SPAG16: variants seen among roughly 807,000 people sequenced by gnomAD.
SPAG16 encodes sperm-associated antigen 16 protein.
A neutral mutation model predicts 80.4 loss-of-function variants in SPAG16; 86 were observed. That is an observed-to-expected ratio of 1.07 (90% confidence interval 0.90 to 1.28). SPAG16 has a LOEUF of 1.28. SPAG16 is among the 50% of genes most tolerant of loss of function. The pLI is 0.00. For missense variants in SPAG16, 870 were observed against 765.3 expected, an observed-to-expected ratio of 1.14 and a Z score of -1.61; for synonymous variants, 294 against 265.9, an observed-to-expected ratio of 1.11 and a Z score of -1.03.
chr2:214,303,385 T>G (rs765336028), intron 15 of SPAG16, among the ~76,000 whole-genome samples: 1 of 152,198 alleles, frequency 6.6e-6, no homozygotes, highest in Non-Finnish European at 1.5e-5. Flanking sequence ...TTTATGAAAT[T>G]ACTTGTGTCA....
chr2:213,468,808 A>G (rs978653407), intron 9 of SPAG16, among the ~76,000 whole-genome samples: 4 of 151,634 alleles, frequency 2.6e-5, no homozygotes, highest in Non-Finnish European at 4.4e-5. Context: ...AGGTCTCACA[A>G]CAGGCCATCT....
chr2:214,047,823 G>A (rs1022717340), intron 13 of SPAG16, among the ~76,000 whole-genome samples: 6 of 151,958 alleles, frequency 3.9e-5, no homozygotes, highest in Admixed American at 3.9e-4. Context: ...AATATATAAG[G>A]AGCTCAAACA....
chr2:213,718,306 A>G (rs1256383528), intron 10 of SPAG16, among the ~76,000 whole-genome samples: 1 of 152,026 alleles, frequency 6.6e-6, no homozygotes, highest in Admixed American at 6.5e-5. Flanking sequence ...ACAATGAGAT[A>G]CTGAGAGGTG....
chr2:214,304,182 C>T (rs1175917559), intron 15 of SPAG16, among the ~76,000 whole-genome samples: 2 of 152,182 alleles, frequency 1.3e-5, no homozygotes, highest in African/African-American at 4.8e-5. Context: ...CTGTAAAGGA[C>T]ATAATCTTGT....
chr2:213,338,489 C>T (rs970899480), intron 5 of SPAG16, among the ~76,000 whole-genome samples: 2 of 152,176 alleles, frequency 1.3e-5, no homozygotes, highest in African/African-American at 4.8e-5. Context: ...CAAAGACACA[C>T]ATAGACTTAA....
intron 10 of SPAG16, among the ~76,000 whole-genome samples, chr2:213,649,755 A>AT (rs1297860513): frequency 2.0e-5 from 3 of 151,986 alleles, no homozygotes; most frequent in Admixed American, 6.6e-5. Context: ...AAAATAAAAT[A>AT]TTTTTTGTAA....
chr2:213,596,749 A>G (rs1019290180), intron 10 of SPAG16, among the ~76,000 whole-genome samples: 2 of 152,136 alleles, frequency 1.3e-5, no homozygotes, highest in African/African-American at 4.8e-5. Context: ...ATCAGTATAC[A>G]CCAATTGTAG....
intron 10 of SPAG16, among the ~76,000 whole-genome samples, chr2:213,490,944 T>C (rs555090512): frequency 3.3e-5 from 5 of 152,330 alleles, no homozygotes; most frequent in Admixed American, 6.5e-5. Context: ...ATATTTTACC[T>C]ATAGTGAGTA....
chr2:213,864,237 A>G (rs2075597783), intron 11 of SPAG16, among the ~76,000 whole-genome samples: 1 of 152,138 alleles, frequency 6.6e-6, no homozygotes, highest in African/African-American at 2.4e-5. Flanking sequence ...GTACCTACAG[A>G]TAGTGTTGAT....
intron 10 of SPAG16, among the ~76,000 whole-genome samples, chr2:213,597,768 C>T (rs556347765): frequency 6.6e-6 from 1 of 151,986 alleles, no homozygotes; most frequent in South Asian, 2.1e-4. Flanking sequence ...AATCTTTTGC[C>T]CCCCCAAAAA....
At chr2:213,735,840 T>G (rs1380770831) in intron 10 of SPAG16, among the ~76,000 whole-genome samples, 2 of 152,200 alleles carry the variant, frequency 1.3e-5, no homozygotes, top group Admixed American at 1.3e-4. Context: ...GAAAGATATA[T>G]TATGTCTAGA....
rs547158201 is a variant in SPAG16 at position 214,297,472 on chromosome 2, A to T, written c.1721-112668A>T. Reference sequence around the variant, plus strand: ...TTCAGGTCTTACATTTAAGTCTTTAATCTACCTCGAGTTAATTCTTGCATG... The same window carrying T: ...TTCAGGTCTTACATTTAAGTCTTTATTCTACCTCGAGTTAATTCTTGCATG... On this transcript the variant is annotated intron_variant, in intron 15 of 15. Transcript: ENST00000331683. 2.6e-5 allele frequency among the ~76,000 whole-genome samples: 4 copies of T among 152,170 alleles called. No individual in the cohort carries two copies. The East Asian group carries it at 7.7e-4, about 29-fold the overall frequency.
chr2:213,510,415 G>A (rs1466534405), intron 10 of SPAG16, among the ~76,000 whole-genome samples: 1 of 151,918 alleles, frequency 6.6e-6, no homozygotes, highest in Non-Finnish European at 1.5e-5. Context: ...TTTTTTTACA[G>A]ATGATAGTCA....
At chr2:214,265,568 T>C (rs899461958) in intron 15 of SPAG16, among the ~76,000 whole-genome samples, 1 of 152,076 alleles carries the variant, frequency 6.6e-6, no homozygotes, top group Non-Finnish European at 1.5e-5. Context: ...CTTTTTATTC[T>C]CTTAACATGT....
At chr2:213,424,636 A>G (rs887030942) in intron 9 of SPAG16, among the ~76,000 whole-genome samples, 1 of 152,342 alleles carries the variant, frequency 6.6e-6, no homozygotes, top group Admixed American at 6.5e-5. Flanking sequence ...TAATGACTCT[A>G]ATGGCATAAA....
chr2:213,737,615 G>A (rs1377120691), intron 10 of SPAG16, among the ~76,000 whole-genome samples: 2 of 151,654 alleles, frequency 1.3e-5, no homozygotes, highest in Non-Finnish European at 2.9e-5. Flanking sequence ...AGCCTCCCGA[G>A]TAGCTGGGAC....
intron 11 of SPAG16, among the ~76,000 whole-genome samples, chr2:213,900,256 AG>A (rs1357662818): frequency 6.6e-6 from 1 of 152,132 alleles, no homozygotes; most frequent in Non-Finnish European, 1.5e-5. Flanking sequence ...TTTCACTGCA[AG>A]AATGGCGTGT....
chr2:213,407,635 GAGAGACAGACAGAC>G (rs2068701522), intron 9 of SPAG16, among the ~76,000 whole-genome samples: 1 of 81,994 alleles, frequency 1.2e-5, no homozygotes. Flanking sequence ...GAGAGAGAGA[GAGAGACAGACAGAC>G]AGGAGAGAGA....
chr2:213,659,065 C>G (rs954415268), intron 10 of SPAG16, among the ~76,000 whole-genome samples: 10 of 152,088 alleles, frequency 6.6e-5, no homozygotes, highest in Admixed American at 2.0e-4. Context: ...CACTAATAGC[C>G]ACTCTGTTGT....
Sources: gnomAD v4.1 joint callset for allele counts (sites outside exome capture counted in the v4.1 genomes callset) on GRCh38, gnomAD v4.1.1 for gene constraint, MANE v1.5 for transcripts, NCBI Gene and HGNC (gene_info 2026-07-23, HGNC 2026-07-21) for gene names.